Variants in TLK2 observed in about 807,000 individuals in gnomAD.
The protein encoded by TLK2 is serine/threonine-protein kinase tousled-like 2.
Under a neutral mutation model 117.3 loss-of-function variants are expected in TLK2, and 6 were observed. That is an observed-to-expected ratio of 0.05 (90% CI 0.03 to 0.10). TLK2 has a LOEUF of 0.10. Among genes scored for constraint, TLK2 ranks in the 10% least tolerant of loss-of-function variants. TLK2 has a pLI of 1.00. For missense variants in TLK2, 299 were observed against 901.2 expected (o/e 0.33, Z 8.56); for synonymous variants, 257 against 316.7 (o/e 0.81, Z 2.00).
At chr17:62,484,935 T>G (rs1013832694) in intron 2 of TLK2, among the ~76,000 whole-genome samples, 2 of 152,058 alleles carry the variant, frequency 1.3e-5, no homozygotes, top group African/African-American at 4.8e-5. Flanking sequence ...TGGGTGCCTG[T>G]AATCCCAGCT....
intron 16 of TLK2, among the ~76,000 whole-genome samples, chr17:62,590,842 AACGTACAT>A (rs1042504779): frequency 3.9e-5 from 6 of 152,238 alleles, no homozygotes; most frequent in African/African-American, 1.4e-4. Flanking sequence ...GTAAAATAAA[AACGTACAT>A]ACTTTTTCCT....
intron 2 of TLK2, among the ~76,000 whole-genome samples, chr17:62,497,288 G>A (rs962812427): frequency 5.9e-5 from 9 of 152,036 alleles, no homozygotes; most frequent in Non-Finnish European, 1.3e-4. Flanking sequence ...AAAATTCTGT[G>A]ACTCAAAATA....
chr17:62,601,294 G>A (rs2082856991), intron 18 of TLK2, among the ~76,000 whole-genome samples: 1 of 152,142 alleles, frequency 6.6e-6, no homozygotes, highest in Non-Finnish European at 1.5e-5. Context: ...AGAGTACAGG[G>A]CAGCTAGAGT....
intron 2 of TLK2, among the ~76,000 whole-genome samples, chr17:62,486,671 A>G (rs1007690796): frequency 6.6e-6 from 1 of 152,206 alleles, no homozygotes; most frequent in African/African-American, 2.4e-5. Flanking sequence ...CCTTGCATGC[A>G]TTGTTACTTG....
chr17:62,561,457 C>T (rs1450111684), intron 10 of TLK2, among the ~76,000 whole-genome samples: 1 of 152,216 alleles, frequency 6.6e-6, no homozygotes, highest in Non-Finnish European at 1.5e-5. Flanking sequence ...AGTGATCCAC[C>T]CGTCTCGGCC....
At chr17:62,606,103 A>G in intron 19 of TLK2, 27 bp from the exon 20 acceptor site, 1 of 1,104,302 alleles carries the variant, frequency 9.1e-7, no homozygotes, top group Non-Finnish European at 1.3e-6. Context: ...CATTATTCTA[A>G]TAATTTATAT....
intron 11 of TLK2, among the ~76,000 whole-genome samples, chr17:62,567,575 A>G (rs1416493497): frequency 6.6e-6 from 1 of 152,204 alleles, no homozygotes; most frequent in Non-Finnish European, 1.5e-5. Flanking sequence ...TAATAAATTA[A>G]TTTCCTTCAG....
chr17:62,551,225 G>A (rs538940021), intron 7 of TLK2, among the ~76,000 whole-genome samples: 1 of 152,284 alleles, frequency 6.6e-6, no homozygotes, highest in Admixed American at 6.5e-5. Flanking sequence ...ATGTTAATGA[G>A]TAAGAACAGT....
chr17:62,508,966 T>TCAA (rs201595124), intron 2 of TLK2, among the ~76,000 whole-genome samples: 6,635 of 152,024 alleles, frequency 0.044, 278 homozygotes, highest in South Asian at 0.21. Flanking sequence ...AGACTCCATC[T>TCAA]CAACAACAAC....
At chr17:62,485,412 AC>A (rs1425790217) in intron 2 of TLK2, among the ~76,000 whole-genome samples, 1 of 152,194 alleles carries the variant, frequency 6.6e-6, no homozygotes. Flanking sequence ...TTAGACTAAA[AC>A]AAAATGGCCA....
intron 2 of TLK2, among the ~76,000 whole-genome samples, chr17:62,502,180 A>G (rs2074261695): frequency 6.6e-6 from 1 of 152,072 alleles, no homozygotes; most frequent in African/African-American, 2.4e-5. Context: ...ATACTAGAAA[A>G]TTGAATCTAG....
At chr17:62,581,153 C>T (rs2081189012) in intron 15 of TLK2, among the ~76,000 whole-genome samples, 1 of 152,034 alleles carries the variant, frequency 6.6e-6, no homozygotes, top group Admixed American at 6.6e-5. Flanking sequence ...GCTGGGACTA[C>T]AGGCCCAGTG....
chr17:62,486,276 C>T (rs1228078466), intron 2 of TLK2, among the ~76,000 whole-genome samples: 1 of 152,054 alleles, frequency 6.6e-6, no homozygotes, highest in Non-Finnish European at 1.5e-5. Context: ...CTTGCCTCAG[C>T]CTCCCCAAGT....
At chr17:62,511,578 C>A (rs994765384) in intron 2 of TLK2, among the ~76,000 whole-genome samples, 13 of 152,140 alleles carry the variant, frequency 8.5e-5, no homozygotes, top group Admixed American at 8.5e-4. Flanking sequence ...CTATATTGGC[C>A]AGGCTGGTCT....
At chr17:62,534,926 T>C (rs1170376845) in intron 6 of TLK2, among the ~76,000 whole-genome samples, 1 of 146,404 alleles carries the variant, frequency 6.8e-6, no homozygotes, top group Non-Finnish European at 1.5e-5. Flanking sequence ...TCGCTCTCTG[T>C]TACCCAGGCT....
chr17:62,541,782 C>CT (rs1193394589), intron 7 of TLK2, among the ~76,000 whole-genome samples: 1 of 151,642 alleles, frequency 6.6e-6, no homozygotes, highest in Non-Finnish European at 1.5e-5. Flanking sequence ...ACCACAGTAG[C>CT]TGCAGCTAGA....
At chr17:62,587,015 T>C (rs1331485582) in intron 16 of TLK2, among the ~76,000 whole-genome samples, 1 of 152,010 alleles carries the variant, frequency 6.6e-6, no homozygotes. Context: ...TTTGCCCATC[T>C]CAAAGTTCTT....
chr17:62,570,900 T>G (rs2080234653), intron 11 of TLK2, among the ~76,000 whole-genome samples: 1 of 152,214 alleles, frequency 6.6e-6, no homozygotes, highest in Non-Finnish European at 1.5e-5. Flanking sequence ...ACTGTTAATC[T>G]TCAAAGACAA....
chr17:62,595,873 C>G (rs1024357608), intron 16 of TLK2, among the ~76,000 whole-genome samples: 3 of 151,994 alleles, frequency 2.0e-5, no homozygotes, highest in African/African-American at 7.2e-5. Flanking sequence ...AAAATGACCC[C>G]TTTGATGTTA....
Sources: gnomAD v4.1 joint callset for allele counts (sites outside exome capture counted in the v4.1 genomes callset) on GRCh38, gnomAD v4.1.1 for gene constraint, MANE v1.5 for transcripts, NCBI Gene and HGNC (gene_info 2026-07-23, HGNC 2026-07-21) for gene names.